Variants in GLRB observed in about 807,000 individuals in gnomAD.
The protein encoded by GLRB is glycine receptor beta, also known as glycine receptor subunit beta.
GLRB carries 33 observed loss-of-function variants against 54.2 expected under a neutral mutation model. The observed-to-expected ratio is 0.61, with a 90% CI of 0.46 to 0.81. The LOEUF (loss-of-function observed/expected upper bound fraction) is 0.81, where lower values mean the gene tolerates loss of function less well. Among genes scored for constraint, GLRB ranks in the 40% least tolerant of loss-of-function variants. GLRB has a pLI of 0.00. For missense variants in GLRB, 572 were observed against 584.6 expected (o/e 0.98, Z 0.22); for synonymous variants, 209 against 208.2 (o/e 1.00, Z -0.03).
At chr4:157,166,727 A>T (rs1737723365) in intron 9 of GLRB, among the ~76,000 whole-genome samples, 1 of 152,022 alleles carries the variant, frequency 6.6e-6, no homozygotes. Context: ...ACTTAATATA[A>T]CCAATTTGCA....
At chr4:157,082,342 A>G (rs1312678996) in intron 2 of GLRB, among the ~76,000 whole-genome samples, 1 of 152,172 alleles carries the variant, frequency 6.6e-6, no homozygotes, top group African/African-American at 2.4e-5. Flanking sequence ...TATGATAATT[A>G]TCTATTGTAA....
chr4:157,095,305 C>CAAAA (rs59570434), intron 2 of GLRB, among the ~76,000 whole-genome samples: 1 of 79,202 alleles, frequency 1.3e-5, no homozygotes, highest in Non-Finnish European at 2.4e-5. Context: ...TGTGCCTGAG[C>CAAAA]AAAAAAAAAA....
chr4:157,132,370 A>T (rs1263513768), intron 4 of GLRB, among the ~76,000 whole-genome samples: 1 of 151,620 alleles, frequency 6.6e-6, no homozygotes, highest in Admixed American at 6.6e-5. Flanking sequence ...CATTTTCTCT[A>T]TCTTGATATT....
intron 2 of GLRB, chr4:157,084,597 A>T: frequency 2.2e-6 from 1 of 456,136 alleles, no homozygotes; most frequent in Non-Finnish European, 4.4e-6. Context: ...GTTTTTTCAT[A>T]AACTAAAAAT....
intron 9 of GLRB, among the ~76,000 whole-genome samples, chr4:157,164,355 A>T (rs1737632988): frequency 6.6e-6 from 1 of 152,166 alleles, no homozygotes; most frequent in African/African-American, 2.4e-5. Flanking sequence ...GCCTTATGTT[A>T]TGTGGAAGTG....
chr4:157,122,092 GAA>G (rs202142610), intron 3 of GLRB, among the ~76,000 whole-genome samples: 5 of 139,480 alleles, frequency 3.6e-5, no homozygotes, highest in Non-Finnish European at 6.3e-5. Flanking sequence ...AATTCTTCCT[GAA>G]AAAAAAAAAA....
Position 157,111,275 on chromosome 4 carries a change from G to A in GLRB, c.123-9281G>A, listed in dbSNP as rs554186606. Among the ~76,000 whole-genome samples the A allele has an allele frequency of 3.4e-4, 52 of 152,128 alleles. No individual in the cohort carries two copies. The South Asian group carries it at 0.01, about 30-fold the overall frequency. ...GCTGTGCACTGAGCTTTGGGGAGGA[G>A]CTGTGGCATGTCTTCATGCTAGTGC... On this transcript the variant is annotated intron_variant, in intron 2 of 9. Transcript: ENST00000264428.
At position 157,143,894 on chromosome 4, in the gene GLRB, T is replaced by C. The variant is rs1230470622; in HGVS notation, c.839T>C (p.Ile280Thr). The C allele has an allele frequency of 3.7e-6, 6 of 1,614,000 alleles. No individual in the cohort carries two copies. Among genetic ancestry groups the C allele is most frequent in the Non-Finnish European group, 5.1e-6 (6 of 1,179,968 alleles). ...GGGGTCTACGCCCCAACTCTGCTCA[T>C]TGTTGTTCTCTCCTGGCTTTCCTTC... Reference protein sequence around the residue: ...MMGVYAPTLLIVVLSWLSFWI... With the variant: ...MMGVYAPTLLTVVLSWLSFWI... The change falls in exon 8 of 10, where the codon ATT becomes ACT. Residue 280 changes from isoleucine (I) to threonine (T), a missense_variant. Coordinates refer to ENST00000264428, the MANE Select transcript of GLRB (RefSeq NM_000824.5).
rs1736708794 is a variant in GLRB, at chr4:157,143,896, G to A, written c.841G>A (p.Val281Ile). The change falls in exon 8 of 10, where the codon GTT becomes ATT. Residue 281 changes from valine (V) to isoleucine (I), a missense_variant. By Grantham distance (29) the Val-to-Ile change is conservative (BLOSUM62 3). Coordinates refer to ENST00000264428, the MANE Select transcript of GLRB (RefSeq NM_000824.5). ...GGTCTACGCCCCAACTCTGCTCATT[G>A]TTGTTCTCTCCTGGCTTTCCTTCTG... is the stretch of plus-strand genomic sequence containing the variant. ...MGVYAPTLLI[V>I]VLSWLSFWIN... 6.2e-7 allele frequency: 1 copy of A among 1,614,030 alleles called. No individual in the cohort carries two copies. The highest frequency in any genetic ancestry group is 8.5e-7 in the Non-Finnish European group (1 of 1,179,992).
intron 4 of GLRB, among the ~76,000 whole-genome samples, chr4:157,123,971 C>T (rs929382783): frequency 6.6e-6 from 1 of 151,542 alleles, no homozygotes; most frequent in African/African-American, 2.4e-5. Context: ...CAGTAGGTAT[C>T]ATTAATGTAT....
At chr4:157,112,144 G>A (rs974256685) in intron 2 of GLRB, among the ~76,000 whole-genome samples, 1 of 151,030 alleles carries the variant, frequency 6.6e-6, no homozygotes, top group African/African-American at 2.4e-5. Context: ...ATCATCTGAA[G>A]AGCTTTTTAA....
intron 2 of GLRB, among the ~76,000 whole-genome samples, chr4:157,078,914 A>G (rs1467195017): frequency 6.6e-6 from 1 of 152,156 alleles, no homozygotes. Flanking sequence ...CTGGGATTAC[A>G]GGTGCCCACC....
At chr4:157,125,353 A>T (rs1735980260) in intron 4 of GLRB, among the ~76,000 whole-genome samples, 1 of 151,844 alleles carries the variant, frequency 6.6e-6, no homozygotes, top group African/African-American at 2.4e-5. Context: ...GAGTTGTGTC[A>T]TCCAACAGGC....
At chr4:157,131,007 A>G (rs1736195054) in intron 4 of GLRB, among the ~76,000 whole-genome samples, 1 of 151,074 alleles carries the variant, frequency 6.6e-6, no homozygotes, top group South Asian at 2.1e-4. Flanking sequence ...AATGTTATAC[A>G]GAGACGTATA....
chr4:157,138,950 G>T lies in GLRB; in HGVS notation c.751+1G>T, dbSNP rs1355830228. ...TGTACAAAATACTATAAAGGCACGG[G>T]TAAGTAATATTCTTTAAATAAAACG... On this transcript the variant is annotated splice_donor_variant, in intron 7 of 9. Coordinates refer to ENST00000264428, the MANE Select transcript of GLRB (RefSeq NM_000824.5). LOFTEE classifies it high-confidence loss of function. 2 of 1,353,468 alleles carry T rather than the reference G, an allele frequency of 1.5e-6. No homozygotes were observed. The highest frequency in any genetic ancestry group is 2.1e-6 in the Non-Finnish European group (2 of 944,698). The allele number at this position is 1,353,468 out of a possible 1,614,324, so 83.8% of individuals were successfully genotyped here.
chr4:157,124,320 T>C (rs549970330), intron 4 of GLRB, among the ~76,000 whole-genome samples: 1 of 151,914 alleles, frequency 6.6e-6, no homozygotes, highest in African/African-American at 2.4e-5. Flanking sequence ...ACTCACTTTG[T>C]GCACTCTTTT....
intron 8 of GLRB, among the ~76,000 whole-genome samples, chr4:157,149,866 T>C (rs894576084): frequency 6.6e-6 from 1 of 152,046 alleles, no homozygotes; most frequent in African/African-American, 2.4e-5. Flanking sequence ...TTTTCTTTCC[T>C]TATTTTTTCT....
At chr4:157,123,755 A>C (rs1406966930) in intron 4 of GLRB, among the ~76,000 whole-genome samples, 2 of 151,736 alleles carry the variant, frequency 1.3e-5, no homozygotes, top group Non-Finnish European at 2.9e-5. Flanking sequence ...CTTTGCAGGA[A>C]TCTATTTGAT....
intron 2 of GLRB, among the ~76,000 whole-genome samples, chr4:157,078,506 T>A (rs1167116932): frequency 6.6e-6 from 1 of 151,936 alleles, no homozygotes; most frequent in East Asian, 1.9e-4. Context: ...TTCAAAAAGT[T>A]TTTTTTTAAA....
Sources: allele counts gnomAD v4.1 joint callset (sites outside exome capture counted in the v4.1 genomes callset), GRCh38; gene constraint gnomAD v4.1.1; transcripts MANE v1.5; gene names NCBI Gene and HGNC (gene_info 2026-07-23, HGNC 2026-07-21).